Variants in PLEC observed in about 807,000 individuals in gnomAD.
PLEC encodes hemidesmosomal protein 1.
In PLEC, 216 loss-of-function variants were observed where a neutral mutation model predicts 392.8. The ratio of observed to expected loss-of-function variants is 0.55; its 90% CI spans 0.49 to 0.62. The LOEUF (loss-of-function observed/expected upper bound fraction) is 0.62, where lower values mean the gene tolerates loss of function less well. PLEC is among the 20% of genes least tolerant of loss of function. The pLI is 0.00. For synonymous variants in PLEC, 3,621 were observed against 2,980.6 expected, an observed-to-expected ratio of 1.21 and a Z score of -7.00; for missense variants, 6,863 against 6,563.4, an observed-to-expected ratio of 1.05 and a Z score of -1.58.
chr8:143,920,013 G>T lies in PLEC; in HGVS notation c.9808C>A (p.Leu3270Met), dbSNP rs782232136. 1 of 1,613,250 alleles carries T rather than the reference G, an allele frequency of 6.2e-7. No individual in the cohort carries two copies. Among genetic ancestry groups the T allele is most frequent in the Non-Finnish European group, 8.5e-7 (1 of 1,180,034 alleles). The change falls in exon 32 of 32, where the codon CTG becomes ATG. Residue 3270 changes from leucine to methionine, a missense_variant. Transcript: ENST00000345136. ...TTGCCCGTGCGGAACTGACGCAACAGCTCCTGCCGCTGCTCCGCAGTGAAG... is the reference window on the plus strand; with the variant it reads ...TTGCCCGTGCGGAACTGACGCAACATCTCCTGCCGCTGCTCCGCAGTGAAG... Reference protein sequence around the residue: ...EYFTAEQRQELLRQFRTGKVT... With the variant: ...EYFTAEQRQEMLRQFRTGKVT...
upstream of PLEC, among the ~76,000 whole-genome samples, chr8:143,958,073 G>A (rs1478630670): frequency 2.0e-5 from 3 of 152,190 alleles, no homozygotes; most frequent in African/African-American, 7.2e-5. This position sits in a 1 kb window ranked among gnomAD's most constrained non-coding sequence, Gnocchi z 4.9. Flanking sequence ...CTGAGCCTGC[G>A]GCAGGTCCAC....
chr8:143,973,360 C>T lies in PLEC; in HGVS notation c.70+43G>A. ...GACGACAAGGTGCTCGGCGGCTGGGCTGTCAGGAGCGGCCCGACAGGCAGC... is the reference window on the plus strand; with the variant it reads ...GACGACAAGGTGCTCGGCGGCTGGGTTGTCAGGAGCGGCCCGACAGGCAGC... On this transcript the variant is annotated intron_variant, in intron 1 of 31. Coordinates refer to the PLEC transcript ENST00000356346. The surrounding 1 kb of genome is among the most constrained non-coding windows in gnomAD (Gnocchi z 5.6). 1.3e-6 allele frequency: 2 copies of T among 1,546,602 alleles called. No homozygotes were observed. The highest frequency in any genetic ancestry group is 1.9e-5 in the Admixed American group (1 of 52,336).
chr8:143,920,045 G>A lies in PLEC; in HGVS notation c.9776C>T (p.Ser3259Phe). 6.2e-7 allele frequency: 1 copy of A among 1,613,344 alleles called. No individual in the cohort carries two copies. Among genetic ancestry groups the A allele is most frequent in the South Asian group, 1.1e-5 (1 of 91,092 alleles). ...RTVTVWELIS[S>F]EYFTAEQRQE... ...CCGCTGCTCCGCAGTGAAGTACTCA[G>A]AGCTGATGAGCTCCCACACCGTCAC... is the stretch of plus-strand genomic sequence containing the variant. Residue 3259 changes from serine to phenylalanine, a missense_variant, in exon 32 of 32, where the codon TCT (serine) becomes TTT (phenylalanine). Ser to Phe is a radical substitution (Grantham distance 155, BLOSUM62 -2). Coordinates refer to ENST00000345136, the MANE Select transcript of PLEC (RefSeq NM_201384.3).
chr8:143,934,233 G>C (rs114576360), intron 11 of PLEC, 85 bp downstream of exon 11: 2 of 1,594,392 alleles, frequency 1.3e-6, no homozygotes, highest in Non-Finnish European at 1.7e-6. Context: ...TTCCCCCGCC[G>C]GGGGCGGGGC....
upstream of PLEC, among the ~76,000 whole-genome samples, chr8:143,951,027 G>T (rs1257133967): frequency 1.3e-5 from 2 of 152,202 alleles, no homozygotes; most frequent in Admixed American, 6.5e-5. Flanking sequence ...CTTGTAGAGT[G>T]GGGGGCACCT....
At chr8:143,928,984 G>A (rs1485012449) in intron 25 of PLEC, 119 bp downstream of exon 25, 4 of 935,644 alleles carry the variant, frequency 4.3e-6, no homozygotes, top group Non-Finnish European at 6.6e-6. Context: ...CCGCCTCCTG[G>A]CCAGATCTCT....
At chr8:143,952,158 A>C (rs946584101), upstream of PLEC, among the ~76,000 whole-genome samples, 1 of 151,656 alleles carries the variant, frequency 6.6e-6, no homozygotes. Flanking sequence ...GGCCGTCGCC[A>C]TGGCGCCACG....
At chr8:143,958,236 G>A (rs73377239), upstream of PLEC, among the ~76,000 whole-genome samples, 10,171 of 152,132 alleles carry the variant, frequency 0.067, 1,122 homozygotes, top group African/African-American at 0.23. The surrounding 1 kb of genome is among the most constrained non-coding windows in gnomAD (Gnocchi z 4.9). Flanking sequence ...GAGCTCAGTC[G>A]GGCCAGCCAG....
Position 143,924,320 on chromosome 8 carries a change from G to A in PLEC, c.5609C>T (p.Ala1870Val), listed in dbSNP as rs782373965. The A allele has an allele frequency of 4.4e-6, 7 of 1,594,286 alleles. No homozygotes were observed. The highest frequency in any genetic ancestry group is 2.2e-5 in the South Asian group (2 of 90,676). ...CCGCCGCTGGAAGGCCTCGTCCTCC[G>A]CCAGCCGCCGCAGGCGCTCGTTCTC... The part of the protein sequence containing the change: ...EAENERLRRL[A>V]EDEAFQRRRL... Residue 1870 changes from alanine to valine, a missense_variant, in exon 31 of 32, where the codon GCG becomes GTG. Ala to Val is a moderately conservative substitution (Grantham distance 64). Transcript: ENST00000345136.
rs782677089 is a variant in PLEC at position 143,950,157 on chromosome 8, A to G, written c.523+27T>C. The G allele has an allele frequency of 1.4e-5, 21 of 1,478,042 alleles. No individual in the cohort carries two copies. The Admixed American group carries it at 1.5e-4, about 10-fold the overall frequency. The allele number at this position is 1,478,042 out of a possible 1,614,324, so 91.6% of individuals were successfully genotyped here. ...ACCAGACCCCTACTTGCCACCCATC[A>G]TGACTTGGGGTCAGGGTGCAGCTGA... On this transcript the variant is annotated intron_variant, in intron 1 of 31. Transcript: ENST00000322810.
intron 14 of PLEC, 38 bp from the exon 15 acceptor site, chr8:143,932,750 G>A (rs1554718019): frequency 1.2e-6 from 2 of 1,609,092 alleles, no homozygotes; most frequent in South Asian, 1.1e-5. Flanking sequence ...CAGTGGCTGG[G>A]CCCGGCCCAC....
chr8:143,924,786 A>C lies in PLEC; in HGVS notation c.5143T>G (p.Leu1715Val), dbSNP rs782295797. 14 of 1,533,760 alleles carry C rather than the reference A, an allele frequency of 9.1e-6. No homozygotes were observed. Among genetic ancestry groups the C allele is most frequent in the Non-Finnish European group, 1.1e-5 (13 of 1,146,226 alleles). Residue 1715 changes from leucine (L) to valine (V), a missense_variant, in exon 31 of 32, where the codon TTG (leucine) becomes GTG (valine). Leu to Val is a conservative substitution (Grantham distance 32). Transcript: ENST00000345136. ...AQQRLAAEQE[L>V]IRLRAETEQG... ...TCCGTCTCGGCCCGCAGCCGGATCA[A>C]CTCCTGCTCCGCGGCCAGGCGCTGC...
intron 1 of PLEC, among the ~76,000 whole-genome samples, chr8:143,959,641 T>G (rs1832773870): frequency 6.6e-6 from 1 of 152,256 alleles, no homozygotes; most frequent in Non-Finnish European, 1.5e-5. Context: ...GTCGGCCCAC[T>G]TGGGCACTGC....
intron 1 of PLEC, chr8:143,946,349 C>G: frequency 3.9e-6 from 5 of 1,289,014 alleles, no homozygotes; most frequent in Non-Finnish European, 5.1e-6. Flanking sequence ...GCCTGCCCTA[C>G]CTTGGCCCAG....
Position 143,923,431 on chromosome 8 carries a change from C to T in PLEC, c.6498G>A (p.Glu2166=). ...ALRQKQAADA[E]MEKHKKFAEQ... ...CGGCGAATTTCTTATGCTTCTCCAT[C>T]TCCGCGTCAGCTGCCTGCTTCTGCC... The change falls in exon 31 of 32, where the codon GAG becomes GAA. Residue 2166 remains glutamate, a synonymous_variant. Transcript: ENST00000345136. 1 of 1,610,012 alleles carries T rather than the reference C, an allele frequency of 6.2e-7. No homozygotes were observed. Among genetic ancestry groups the T allele is most frequent in the Non-Finnish European group, 8.5e-7 (1 of 1,179,806 alleles).
intron 19 of PLEC, among the ~76,000 whole-genome samples, 178 bp from the exon 20 acceptor site, chr8:143,930,714 T>C (rs1339579098): frequency 6.6e-6 from 1 of 152,052 alleles, no homozygotes; most frequent in Non-Finnish European, 1.5e-5. Context: ...AGCAGACCCA[T>C]GCACCCTCGC....
At chr8:143,940,459 C>T (rs538380268), upstream of PLEC, among the ~76,000 whole-genome samples, 7 of 152,330 alleles carry the variant, frequency 4.6e-5, no homozygotes, top group South Asian at 1.4e-3. Context: ...GTGGGGGGTG[C>T]TGTTTGCAGC....
rs953556357 is a variant in PLEC at position 143,938,482 on chromosome 8, G to T, written c.174+149C>A. ...AGAGAGAGGCAGGAGCAGGCGTAGG[G>T]AAGAAAGAGGACAGAAAATAACAGG... On this transcript the variant is annotated intron_variant, in intron 2 of 31. Coordinates refer to ENST00000345136, the MANE Select transcript of PLEC (RefSeq NM_201384.3). 2.6e-6 allele frequency: 4 copies of T among 1,546,106 alleles called. No individual in the cohort carries two copies. The African/African-American group carries it at 5.5e-5, about 21-fold the overall frequency.
At position 143,919,518 on chromosome 8, in the gene PLEC, C is replaced by T. The variant is rs375044211; in HGVS notation, c.10303G>A (p.Gly3435Ser). 9.0e-5 allele frequency: 145 copies of T among 1,612,304 alleles called. No homozygotes were observed. Among genetic ancestry groups the T allele is most frequent in the Middle Eastern group, 1.7e-4 (1 of 6,060 alleles). ...CTGCCCGAGTAGGGGTCTCTGTAGC[C>T]GGTGACGGCCTTCTCGGCAGACAGC... is the stretch of plus-strand genomic sequence containing the variant. ...QLLSAEKAVT[G>S]YRDPYSGSTI... Residue 3435 changes from glycine to serine, a missense_variant, in exon 32 of 32, where the codon GGC (glycine) becomes AGC (serine). Gly to Ser is a moderately conservative substitution (Grantham distance 56). Coordinates refer to ENST00000345136, the MANE Select transcript of PLEC (RefSeq NM_201384.3).
Sources: allele counts gnomAD v4.1 joint callset (sites outside exome capture counted in the v4.1 genomes callset), GRCh38; gene constraint gnomAD v4.1.1; non-coding constraint Gnocchi (gnomAD v3.1); transcripts MANE v1.5; gene names NCBI Gene and HGNC (gene_info 2026-07-23, HGNC 2026-07-21).